The following FERMT2 variants were observed in gnomAD, a reference collection of about 807,000 sequenced individuals.
FERMT2 encodes the protein FERM domain containing kindlin 2.
A neutral mutation model predicts 82.7 loss-of-function variants in FERMT2; 15 were observed. That is an observed-to-expected ratio of 0.18 (90% CI 0.12 to 0.28). The LOEUF (loss-of-function observed/expected upper bound fraction) is 0.28. Ranked by LOEUF, FERMT2 falls within the 10% of genes least tolerant of loss-of-function variation. FERMT2 has a pLI of 1.00. For missense variants in FERMT2, 645 were observed against 809.4 expected (o/e 0.80, Z 2.46); for synonymous variants, 274 against 271.5 (o/e 1.01, Z -0.09).
At chr14:52,933,971 C>T (rs1889720473) in intron 2 of FERMT2, among the ~76,000 whole-genome samples, 1 of 152,040 alleles carries the variant, frequency 6.6e-6, no homozygotes, top group African/African-American at 2.4e-5. Flanking sequence ...TGCACCAGTA[C>T]CAGCTCAAAT....
intron 2 of FERMT2, chr14:52,928,184 AC>A: frequency 4.2e-6 from 1 of 237,344 alleles, no homozygotes; most frequent in South Asian, 5.1e-5. Flanking sequence ...GTATTCTCAC[AC>A]GTCCATAAAC....
chr14:52,940,580 C>A (rs17125962), intron 2 of FERMT2, among the ~76,000 whole-genome samples: 1,797 of 152,216 alleles, frequency 0.012, 53 homozygotes, highest in East Asian at 0.074. Context: ...GTTTATGTAT[C>A]TTCTACTTTA....
rs76291994 is a variant in FERMT2 at position 52,932,412 on chromosome 14, A to T, written c.158-13056T>A. Among the ~76,000 whole-genome samples the T allele has an allele frequency of 5.9e-5, 9 of 152,338 alleles. No homozygotes were observed. In the East Asian group the frequency reaches 1.2e-3, roughly 20 times the overall value. On this transcript the variant is annotated intron_variant, in intron 2 of 14. Coordinates refer to ENST00000341590, the MANE Select transcript of FERMT2 (RefSeq NM_006832.3). ...AGAACATCCACAAGGAGGCAAAGAG[A>T]TTATTAAATAAAGGAATATTTTTAT...
chr14:52,874,760 C>A (rs1276450565), intron 8 of FERMT2, among the ~76,000 whole-genome samples: 1 of 152,202 alleles, frequency 6.6e-6, no homozygotes, highest in Non-Finnish European at 1.5e-5. Context: ...TAGATCTATT[C>A]TTACTGTATT....
chr14:52,886,624 C>T (rs1886625426), intron 4 of FERMT2, among the ~76,000 whole-genome samples: 1 of 152,144 alleles, frequency 6.6e-6, no homozygotes, highest in Non-Finnish European at 1.5e-5. Context: ...TGACACAAAT[C>T]ACTAAAACAC....
intron 2 of FERMT2, among the ~76,000 whole-genome samples, chr14:52,926,635 A>C (rs764421061): frequency 6.6e-6 from 1 of 152,086 alleles, no homozygotes; most frequent in Non-Finnish European, 1.5e-5. Flanking sequence ...AGTATATCTT[A>C]TATTTTAAAT....
At position 52,858,520 on chromosome 14, in the gene FERMT2, A is replaced by G; in HGVS notation, c.1900T>C (p.Leu634=). 1 of 1,614,128 alleles carries G rather than the reference A, an allele frequency of 6.2e-7. No homozygotes were observed. Among genetic ancestry groups the G allele is most frequent in the Non-Finnish European group, 8.5e-7 (1 of 1,179,982 alleles). Reference sequence around the variant, plus strand: ...TCTACTTCAGTACAAATGAAGGACAATCGTACTTCATCTGCAAACTCTACG... The same window carrying G: ...TCTACTTCAGTACAAATGAAGGACAGTCGTACTTCATCTGCAAACTCTACG... The part of the protein sequence containing the change: ...VTVEFADEVR[L]SFICTEVDCK... Residue 634 remains leucine, a synonymous_variant, in exon 15 of 15, where the codon TTG becomes CTG. Coordinates refer to ENST00000341590, the MANE Select transcript of FERMT2 (RefSeq NM_006832.3).
In FERMT2 at chr14:52,875,317, T is replaced by A; in HGVS notation, c.1004A>T (p.His335Leu). 1 of 1,610,534 alleles carries A rather than the reference T, an allele frequency of 6.2e-7. No homozygotes were observed. Among genetic ancestry groups the A allele is most frequent in the South Asian group, 1.1e-5 (1 of 90,900 alleles). The change falls in exon 8 of 15, where the codon CAT becomes CTT. Residue 335 changes from histidine to leucine, a missense_variant. Transcript: ENST00000341590. ...AACTTCTTTGTCACTGTTGTTCAAA[T>A]GATTCTCTGATGTCATGATTGACAG... ...NKLSIMTSEN[H>L]LNNSDKEVDE...
chr14:52,926,807 G>A (rs1245205737), intron 2 of FERMT2, among the ~76,000 whole-genome samples: 1 of 151,958 alleles, frequency 6.6e-6, no homozygotes, highest in Non-Finnish European at 1.5e-5. Context: ...TTATAAATTT[G>A]GCTTGTTTAG....
At chr14:52,906,693 T>C (rs1888029723) in intron 3 of FERMT2, among the ~76,000 whole-genome samples, 2 of 151,952 alleles carry the variant, frequency 1.3e-5, no homozygotes, top group African/African-American at 4.8e-5. Context: ...ATCAAACTTC[T>C]AGTGATGAAA....
At chr14:52,925,921 G>A (rs922670825) in intron 2 of FERMT2, among the ~76,000 whole-genome samples, 12 of 152,182 alleles carry the variant, frequency 7.9e-5, no homozygotes, top group African/African-American at 2.7e-4. Flanking sequence ...TGGGATTACA[G>A]GCATGAGCCA....
At chr14:52,914,898 T>C (rs766483330) in intron 3 of FERMT2, among the ~76,000 whole-genome samples, 3 of 151,968 alleles carry the variant, frequency 2.0e-5, no homozygotes, top group Non-Finnish European at 4.4e-5. Flanking sequence ...CCAGACTGGG[T>C]GACAGAGGGA....
intron 10 of FERMT2, among the ~76,000 whole-genome samples, chr14:52,867,471 ATTTT>A (rs111494285): frequency 4.9e-4 from 72 of 148,072 alleles, no homozygotes; most frequent in Non-Finnish European, 8.7e-4. Flanking sequence ...CTTCCTATGC[ATTTT>A]TTTTTTGTTT....
chr14:52,947,771 G>A (rs1295265547), intron 2 of FERMT2, among the ~76,000 whole-genome samples: 1 of 152,140 alleles, frequency 6.6e-6, no homozygotes, highest in Non-Finnish European at 1.5e-5. Context: ...TTTTGTTACA[G>A]ACCTCTTTGA....
At chr14:52,861,149 A>C in intron 12 of FERMT2, 2 of 877,284 alleles carry the variant, frequency 2.3e-6, no homozygotes, top group Non-Finnish European at 3.5e-6. Flanking sequence ...CCAAAATTCC[A>C]GCCAAAAGTC....
chr14:52,868,443 A>G (rs1885421278), intron 10 of FERMT2, among the ~76,000 whole-genome samples: 1 of 152,056 alleles, frequency 6.6e-6, no homozygotes, highest in Non-Finnish European at 1.5e-5. Context: ...AGTACTATTT[A>G]TTACCCCAAT....
At chr14:52,916,481 A>G (rs1441026066) in intron 3 of FERMT2, among the ~76,000 whole-genome samples, 1 of 152,232 alleles carries the variant, frequency 6.6e-6, no homozygotes, top group Non-Finnish European at 1.5e-5. Flanking sequence ...GTCCAAACAT[A>G]TGATATTCTG....
intron 3 of FERMT2, among the ~76,000 whole-genome samples, chr14:52,896,999 A>AACACACACACACAC (rs57945447): frequency 5.0e-4 from 68 of 137,186 alleles, no homozygotes; most frequent in African/African-American, 1.8e-3. Context: ...AAACAAATAA[A>AACACACACACACAC]ACACACACAC....
chr14:52,933,624 T>C (rs1015529145), intron 2 of FERMT2, among the ~76,000 whole-genome samples: 3 of 145,326 alleles, frequency 2.1e-5, no homozygotes, highest in Non-Finnish European at 4.5e-5. Context: ...GCAGGAGAAT[T>C]GCTTGAACAC....
Sources: allele counts gnomAD v4.1 joint callset (sites outside exome capture counted in the v4.1 genomes callset), GRCh38; gene constraint gnomAD v4.1.1; transcripts MANE v1.5; gene names NCBI Gene and HGNC (gene_info 2026-07-23, HGNC 2026-07-21).